The following SH3PXD2A variants were observed in gnomAD, a reference collection of about 807,000 sequenced individuals.
The protein encoded by SH3PXD2A is SH3 and PX domain-containing protein 2A.
Under a neutral mutation model 115.2 loss-of-function variants are expected in SH3PXD2A, and 32 were observed. That is an observed-to-expected ratio of 0.28 (90% CI 0.21 to 0.37). The LOEUF is 0.37. SH3PXD2A is among the 10% of genes least tolerant of loss of function. The pLI is 1.00. For missense variants in SH3PXD2A, 1,328 were observed against 1,498.7 expected, an observed-to-expected ratio of 0.89 and a Z score of 1.88; for synonymous variants, 610 against 629.1, an observed-to-expected ratio of 0.97 and a Z score of 0.45.
chr10:103,727,567 C>T (rs904972698), intron 4 of SH3PXD2A, among the ~76,000 whole-genome samples: 4 of 152,160 alleles, frequency 2.6e-5, no homozygotes, highest in Non-Finnish European at 5.9e-5. Context: ...CGGGTTTCAG[C>T]GGCCCACAGC....
intron 1 of SH3PXD2A, among the ~76,000 whole-genome samples, chr10:103,844,432 C>A: frequency 6.6e-6 from 1 of 152,200 alleles, no homozygotes; most frequent in East Asian, 1.9e-4. Flanking sequence ...TCTGGGCCAT[C>A]AGGAAATGGG....
rs556749494 is a variant in SH3PXD2A, at chr10:103,597,167, C to T, written c.*4649G>A. On this transcript the variant is annotated 3_prime_UTR_variant, in exon 15 of 15. Transcript: ENST00000369774. ...CAGGGCTCACTTCTCAGGCTGAAGT[C>T]GCTGAGATGAATGGGCAGCCCAGGC... 35 of 152,790 alleles carry T rather than the reference C, an allele frequency of 2.3e-4. No individual in the cohort carries two copies. Among genetic ancestry groups the T allele is most frequent in the Admixed American group, 2.1e-3 (32 of 15,310 alleles). The allele number at this position is 152,790 out of a possible 1,614,324, so 9.5% of individuals were successfully genotyped here. A position where few individuals can be genotyped will look rare whatever the true frequency, so the allele number is the denominator to read the frequency against.
rs181763715 is a variant in SH3PXD2A, at chr10:103,618,064, C to G, written c.803-750G>C. On this transcript the variant is annotated intron_variant, in intron 10 of 14. Transcript: ENST00000369774. ...GCTTCTGCAGAACATGCTGTGCCAA[C>G]CACGCAGCCGAGGCCTAGCCCCTCT... 5.0e-3 allele frequency among the ~76,000 whole-genome samples: 768 copies of G among 152,362 alleles called. 2 individuals are homozygous for G. Among genetic ancestry groups the G allele is most frequent in the Non-Finnish European group, 8.9e-3 (607 of 68,028 alleles).
At chr10:103,759,817 G>A (rs1276554506) in intron 3 of SH3PXD2A, among the ~76,000 whole-genome samples, 2 of 152,198 alleles carry the variant, frequency 1.3e-5, no homozygotes, top group African/African-American at 4.8e-5. Flanking sequence ...ACAGTAGGCT[G>A]CCCTGAGAGG....
chr10:103,648,833 C>G (rs192260152), intron 8 of SH3PXD2A, among the ~76,000 whole-genome samples: 119 of 152,380 alleles, frequency 7.8e-4, no homozygotes, highest in African/African-American at 2.7e-3. Flanking sequence ...CACGTGCCCC[C>G]TCGCGTGCGT....
intron 1 of SH3PXD2A, among the ~76,000 whole-genome samples, chr10:103,853,447 C>T (rs1397226992): frequency 6.6e-6 from 1 of 152,228 alleles, no homozygotes; most frequent in Non-Finnish European, 1.5e-5. Context: ...CTATTATTAT[C>T]CTTACTTGAA....
At chr10:103,810,719 A>G (rs79346786) in intron 1 of SH3PXD2A, among the ~76,000 whole-genome samples, 1,631 of 152,246 alleles carry the variant, frequency 0.011, 24 homozygotes, top group African/African-American at 0.034. Flanking sequence ...TTAGACACTC[A>G]GGAAGTGAAC....
chr10:103,799,574 C>A (rs2134262217), intron 2 of SH3PXD2A, among the ~76,000 whole-genome samples: 1 of 152,304 alleles, frequency 6.6e-6, no homozygotes, highest in African/African-American at 2.4e-5. Flanking sequence ...GGTGGGGGAG[C>A]AGCATTCCTT....
intron 1 of SH3PXD2A, among the ~76,000 whole-genome samples, chr10:103,847,508 A>G (rs1369357349): frequency 6.6e-6 from 1 of 151,976 alleles, no homozygotes; most frequent in Admixed American, 6.5e-5. Flanking sequence ...ATTTTTTTGT[A>G]GAGATGGGGT....
chr10:103,669,432 T>C lies in SH3PXD2A; in HGVS notation c.428-780A>G, dbSNP rs945783100. ...CAAAGCAGCATAAAGAACTTATGAT[T>C]GAGATGTGATACCATTAACATCTGA... On this transcript the variant is annotated intron_variant, in intron 6 of 14. Transcript: ENST00000369774. Among the ~76,000 whole-genome samples the C allele has an allele frequency of 2.0e-5, 3 of 152,210 alleles. No homozygotes were observed. In the South Asian group the frequency reaches 6.2e-4, roughly 32 times the overall value.
intron 6 of SH3PXD2A, among the ~76,000 whole-genome samples, chr10:103,685,758 A>G (rs1223510388): frequency 2.0e-5 from 3 of 152,208 alleles, no homozygotes; most frequent in Admixed American, 1.3e-4. Flanking sequence ...GACTTGCCCA[A>G]GATCACACAG....
chr10:103,838,724 T>TG (rs934005141), intron 1 of SH3PXD2A, among the ~76,000 whole-genome samples: 12 of 152,098 alleles, frequency 7.9e-5, no homozygotes, highest in Non-Finnish European at 1.6e-4. Context: ...CGGTCCTAAG[T>TG]GGGGGATCTT....
chr10:103,604,148 G>T (rs1466241989), intron 14 of SH3PXD2A, among the ~76,000 whole-genome samples: 1 of 152,154 alleles, frequency 6.6e-6, no homozygotes, highest in African/African-American at 2.4e-5. Flanking sequence ...AGAAAACACT[G>T]CCCTTCTGCT....
chr10:103,742,953 C>A (rs189899822), intron 3 of SH3PXD2A, among the ~76,000 whole-genome samples: 2 of 152,094 alleles, frequency 1.3e-5, no homozygotes, highest in Non-Finnish European at 2.9e-5. Context: ...CTCCCTCCCC[C>A]CCTCAAGGGT....
In SH3PXD2A at chr10:103,612,899, C is replaced by G. The variant is rs1564844047; in HGVS notation, c.1212G>C (p.Gln404His). The change falls in exon 12 of 15, where the codon CAG (glutamine) becomes CAC (histidine). Residue 404 changes from glutamine (Q) to histidine (H), a missense_variant. This residue lies in a region of SH3PXD2A where 509 missense variants were observed against 628.3 expected (regional missense o/e 0.81). Coordinates refer to ENST00000369774, the MANE Select transcript of SH3PXD2A (RefSeq NM_001394015.1). ...VPDRTVSRLA[Q>H]GSPAVARIAP... ...CAATCCTGGCCACAGCTGGAGAGCC[C>G]TGGGCCAGCCTGGAGACAGTCCTGT... is the stretch of plus-strand genomic sequence containing the variant. 6 of 1,605,470 alleles carry G rather than the reference C, an allele frequency of 3.7e-6. No homozygotes were observed. The highest frequency in any genetic ancestry group is 5.1e-6 in the Non-Finnish European group (6 of 1,176,122).
chr10:103,697,434 G>A (rs2037837978), intron 5 of SH3PXD2A, among the ~76,000 whole-genome samples: 1 of 152,186 alleles, frequency 6.6e-6, no homozygotes, highest in Non-Finnish European at 1.5e-5. Flanking sequence ...TTCTCCTTAA[G>A]GACCTCACCA....
intron 2 of SH3PXD2A, among the ~76,000 whole-genome samples, chr10:103,798,015 G>T (rs2039110045): frequency 6.6e-6 from 1 of 152,182 alleles, no homozygotes; most frequent in South Asian, 2.1e-4. Flanking sequence ...GGATCGCTTT[G>T]CACGTGGTTC....
At chr10:103,823,150 G>A (rs2039397933) in intron 1 of SH3PXD2A, among the ~76,000 whole-genome samples, 1 of 152,170 alleles carries the variant, frequency 6.6e-6, no homozygotes, top group Non-Finnish European at 1.5e-5. Flanking sequence ...TTTTTGGCAG[G>A]ATCCATCAAG....
intron 4 of SH3PXD2A, among the ~76,000 whole-genome samples, chr10:103,735,106 T>A (rs1231488738): frequency 6.6e-6 from 1 of 152,252 alleles, no homozygotes; most frequent in East Asian, 1.9e-4. Context: ...CATCCTCTGG[T>A]AGCCACTCAT....
Sources: allele counts gnomAD v4.1 joint callset (sites outside exome capture counted in the v4.1 genomes callset), GRCh38; gene constraint gnomAD v4.1.1; regional missense constraint gnomAD v4.1.1; transcripts MANE v1.5; gene names NCBI Gene and HGNC (gene_info 2026-07-23, HGNC 2026-07-21).